The following CSMD3 variants were observed in gnomAD, a reference collection of about 807,000 sequenced individuals.
CSMD3 encodes the protein CUB and Sushi multiple domains 3, also known as CUB and sushi domain-containing protein 3.
CSMD3 carries 177 observed loss-of-function variants against 435.2 expected under a neutral mutation model. The observed-to-expected ratio is 0.41, with a 90% CI of 0.36 to 0.46. The LOEUF (loss-of-function observed/expected upper bound fraction) is 0.46, where lower values mean the gene tolerates loss of function less well. Among genes scored for constraint, CSMD3 ranks in the 20% least tolerant of loss-of-function variants. The probability of loss-of-function intolerance (pLI) is 0.34; values close to 1 mark genes in which losing one functional copy is unlikely to be tolerated. For missense variants in CSMD3, 4,265 were observed against 4,504.6 expected (o/e 0.95, Z 1.52); for synonymous variants, 1,656 against 1,520.5 (o/e 1.09, Z -2.07).
At chr8:112,805,514 C>T (rs949757035) in intron 12 of CSMD3, among the ~76,000 whole-genome samples, 1 of 152,048 alleles carries the variant, frequency 6.6e-6, no homozygotes, top group Non-Finnish European at 1.5e-5. Flanking sequence ...AGACACTCAC[C>T]CTGTAATATT....
rs2131545639 is a variant in CSMD3, at chr8:113,098,736, A to T, written c.917+20T>A. The T allele has an allele frequency of 6.7e-7, 1 of 1,503,576 alleles. No homozygotes were observed. The highest frequency in any genetic ancestry group is 9.3e-7 in the Non-Finnish European group (1 of 1,079,878). The allele number at this position is 1,503,576 out of a possible 1,614,324, so 93.1% of individuals were successfully genotyped here. ...GCTTCAACAACATCAATGCAAGGTT[A>T]ATAGAAGCTATTTACTTACCATATG... On this transcript the variant is annotated intron_variant, in intron 5 of 70. Transcript: ENST00000297405.
In CSMD3 at chr8:112,871,606, G is replaced by A. The variant is rs577148310; in HGVS notation, c.1634-12340C>T. Among the ~76,000 whole-genome samples the A allele has an allele frequency of 2.4e-3, 372 of 152,064 alleles. 5 individuals carry two copies. The highest frequency in any genetic ancestry group is 7.2e-4 in the Non-Finnish European group (49 of 67,922). ...AAAGTGAATTTAAAAAGAAAGGAAAGAAAGTGCAAACAACCTCATAACAGA... is the reference window on the plus strand; with the variant it reads ...AAAGTGAATTTAAAAAGAAAGGAAAAAAAGTGCAAACAACCTCATAACAGA... On this transcript the variant is annotated intron_variant, in intron 10 of 70. Transcript: ENST00000297405.
At chr8:113,235,025 G>T (rs1044460410) in intron 3 of CSMD3, among the ~76,000 whole-genome samples, 19 of 152,100 alleles carry the variant, frequency 1.2e-4, no homozygotes, top group Non-Finnish European at 2.4e-4. Context: ...ATCCAGACGT[G>T]TTGACAGATG....
At chr8:113,372,623 A>C (rs569003786) in intron 1 of CSMD3, among the ~76,000 whole-genome samples, 37 of 152,118 alleles carry the variant, frequency 2.4e-4, no homozygotes, top group Non-Finnish European at 4.7e-4. Context: ...ATTTTATACC[A>C]TTCCAAAAGC....
At chr8:113,024,731 G>A (rs545202868) in intron 5 of CSMD3, among the ~76,000 whole-genome samples, 1 of 152,158 alleles carries the variant, frequency 6.6e-6, no homozygotes, top group Non-Finnish European at 1.5e-5. Flanking sequence ...TCACACACCT[G>A]TTGGCCACTT....
chr8:112,268,123 A>C (rs1209970315), intron 59 of CSMD3, among the ~76,000 whole-genome samples: 1 of 152,148 alleles, frequency 6.6e-6, no homozygotes, highest in Non-Finnish European at 1.5e-5. Context: ...AAACTCCATA[A>C]AGGCAGATAC....
chr8:113,187,139 GTTT>G (rs906645392), intron 3 of CSMD3, among the ~76,000 whole-genome samples: 10 of 147,852 alleles, frequency 6.8e-5, no homozygotes, highest in Admixed American at 5.4e-4. Flanking sequence ...TTTGCTGGGA[GTTT>G]TTTTTTTTCT....
chr8:112,563,439 T>C (rs762832055), intron 24 of CSMD3, among the ~76,000 whole-genome samples: 3 of 151,792 alleles, frequency 2.0e-5, no homozygotes, highest in Admixed American at 1.3e-4. Flanking sequence ...CTTTCATTCC[T>C]ACATATAAAG....
chr8:112,258,414 T>A (rs1034072203), intron 61 of CSMD3, among the ~76,000 whole-genome samples: 6 of 151,994 alleles, frequency 3.9e-5, no homozygotes, highest in African/African-American at 1.4e-4. Context: ...AATCTACAAA[T>A]AACTTAAACA....
At chr8:113,341,603 T>C (rs755195079) in intron 1 of CSMD3, among the ~76,000 whole-genome samples, 3 of 152,214 alleles carry the variant, frequency 2.0e-5, no homozygotes, top group East Asian at 1.9e-4. Context: ...CATGCTATAA[T>C]AGGAGTATCT....
chr8:112,397,502 A>C (rs1830954451), intron 35 of CSMD3, among the ~76,000 whole-genome samples: 1 of 152,222 alleles, frequency 6.6e-6, no homozygotes, highest in African/African-American at 2.4e-5. Flanking sequence ...AAAATACCAT[A>C]GAATGGGTGG....
chr8:112,523,462 G>A (rs1365169293), intron 27 of CSMD3, among the ~76,000 whole-genome samples: 1 of 151,926 alleles, frequency 6.6e-6, no homozygotes, highest in Non-Finnish European at 1.5e-5. Flanking sequence ...CATGTGTCAG[G>A]AGACTTAGCA....
chr8:112,698,171 T>C (rs1464477112), intron 13 of CSMD3, among the ~76,000 whole-genome samples: 1 of 151,914 alleles, frequency 6.6e-6, no homozygotes, highest in Non-Finnish European at 1.5e-5. Context: ...GAATCAGAAA[T>C]ATTGAAGATA....
chr8:112,672,825 A>C (rs1462863550), intron 16 of CSMD3, among the ~76,000 whole-genome samples: 3 of 152,134 alleles, frequency 2.0e-5, no homozygotes. Context: ...TTAAGAAGAA[A>C]GGATACATTC....
chr8:112,835,348 A>C (rs1415833501), intron 11 of CSMD3, among the ~76,000 whole-genome samples: 3 of 151,928 alleles, frequency 2.0e-5, no homozygotes, highest in Non-Finnish European at 2.9e-5. Flanking sequence ...ATTCCCACTT[A>C]ATACCCATTA....
chr8:113,223,468 AG>A (rs1336327626), intron 3 of CSMD3, among the ~76,000 whole-genome samples: 1 of 150,622 alleles, frequency 6.6e-6, no homozygotes, highest in Non-Finnish European at 1.5e-5. Context: ...TGCAACAAAC[AG>A]AAAAGGATTA....
At chr8:112,580,623 T>C (rs1024888838) in intron 23 of CSMD3, among the ~76,000 whole-genome samples, 3 of 151,696 alleles carry the variant, frequency 2.0e-5, no homozygotes, top group Admixed American at 1.3e-4. Context: ...CTCAGTGTCA[T>C]ATACAGAGTA....
intron 5 of CSMD3, among the ~76,000 whole-genome samples, chr8:113,080,990 A>G (rs1029419473): frequency 6.6e-6 from 1 of 152,192 alleles, no homozygotes; most frequent in Admixed American, 6.5e-5. Flanking sequence ...ATCATCTTCC[A>G]TATCTAATAT....
At chr8:112,385,965 A>G (rs888677987) in intron 36 of CSMD3, among the ~76,000 whole-genome samples, 3 of 152,134 alleles carry the variant, frequency 2.0e-5, no homozygotes, top group Admixed American at 6.5e-5. Flanking sequence ...GGTCTTTCAG[A>G]TGAGCTTAAT....
Sources: allele counts gnomAD v4.1 joint callset (sites outside exome capture counted in the v4.1 genomes callset), GRCh38; gene constraint gnomAD v4.1.1; transcripts MANE v1.5; gene names NCBI Gene and HGNC (gene_info 2026-07-23, HGNC 2026-07-21).